The following TMEM108 variants were observed in gnomAD, a reference collection of about 807,000 sequenced individuals.
TMEM108 encodes the protein cancer/testis antigen 124.
Under a neutral mutation model 35.1 loss-of-function variants are expected in TMEM108, and 12 were observed. That is an observed-to-expected ratio of 0.34 (90% CI 0.22 to 0.55). The LOEUF (loss-of-function observed/expected upper bound fraction) is 0.55, where lower values mean the gene tolerates loss of function less well. Ranked by LOEUF, TMEM108 falls within the 20% of genes least tolerant of loss-of-function variation. The pLI, the probability that TMEM108 is intolerant of heterozygous loss-of-function variation, is 0.89. For synonymous variants in TMEM108, 287 were observed against 308.6 expected, an observed-to-expected ratio of 0.93 and a Z score of 0.73; for missense variants, 680 against 753.3, an observed-to-expected ratio of 0.90 and a Z score of 1.14.
At chr3:133,272,791 G>A (rs1243956067) in intron 3 of TMEM108, among the ~76,000 whole-genome samples, 1 of 152,194 alleles carries the variant, frequency 6.6e-6, no homozygotes, top group Non-Finnish European at 1.5e-5. Flanking sequence ...TTCTCAGCCA[G>A]GGGAGGTATT....
intron 3 of TMEM108, among the ~76,000 whole-genome samples, chr3:133,357,686 A>C (rs2072215748): frequency 6.6e-6 from 1 of 152,214 alleles, no homozygotes; most frequent in African/African-American, 2.4e-5. Flanking sequence ...ATGCAAAACC[A>C]AATACTGTAT....
intron 3 of TMEM108, chr3:133,247,239 T>G (rs79990543): frequency 6.6e-6 from 1 of 152,204 alleles, no homozygotes; most frequent in East Asian, 1.9e-4. Flanking sequence ...TTTTTTACTT[T>G]ATAACATGGT....
intron 3 of TMEM108, among the ~76,000 whole-genome samples, chr3:133,361,152 GCTGT>G (rs1372691122): frequency 6.6e-6 from 1 of 152,148 alleles, no homozygotes. Context: ...TCTGCTTATA[GCTGT>G]CTATCTAGAG....
intron 2 of TMEM108, among the ~76,000 whole-genome samples, chr3:133,071,859 A>C (rs145273340): frequency 6.6e-6 from 1 of 152,132 alleles, no homozygotes; most frequent in African/African-American, 2.4e-5. Context: ...CCATTTGTCT[A>C]CTTTTGCTTT....
intron 2 of TMEM108, among the ~76,000 whole-genome samples, chr3:133,216,653 T>A (rs963951677): frequency 2.6e-5 from 4 of 152,036 alleles, no homozygotes; most frequent in Non-Finnish European, 5.9e-5. Context: ...TTAGTTCAAC[T>A]TTTTTAGATT....
chr3:133,197,654 A>G (rs1183747812), intron 2 of TMEM108, among the ~76,000 whole-genome samples: 1 of 151,896 alleles, frequency 6.6e-6, no homozygotes, highest in Non-Finnish European at 1.5e-5. Flanking sequence ...TACAACAGAA[A>G]GTAGAAATGT....
intron 2 of TMEM108, among the ~76,000 whole-genome samples, chr3:133,188,307 G>C (rs1001153188): frequency 2.6e-5 from 4 of 152,236 alleles, no homozygotes; most frequent in African/African-American, 2.4e-5. Flanking sequence ...ATTTGAAAGA[G>C]ATTGGATATT....
intron 3 of TMEM108, among the ~76,000 whole-genome samples, chr3:133,377,904 G>C (rs1237095887): frequency 2.0e-5 from 3 of 152,198 alleles, no homozygotes; most frequent in Non-Finnish European, 4.4e-5. Flanking sequence ...ATTGTGAACT[G>C]CACATGCAAG....
chr3:133,366,413 A>G (rs2072501103), intron 3 of TMEM108, among the ~76,000 whole-genome samples: 1 of 152,232 alleles, frequency 6.6e-6, no homozygotes, highest in South Asian at 2.1e-4. Flanking sequence ...ACATGAACAA[A>G]TGGTGGAGTG....
intron 2 of TMEM108, among the ~76,000 whole-genome samples, chr3:133,210,806 C>T (rs1012584566): frequency 1.3e-5 from 2 of 152,138 alleles, no homozygotes; most frequent in Non-Finnish European, 2.9e-5. Flanking sequence ...AATATTGGCC[C>T]AACCTACTCT....
chr3:133,178,614 A>C (rs934118861), intron 2 of TMEM108, among the ~76,000 whole-genome samples: 4 of 152,252 alleles, frequency 2.6e-5, no homozygotes, highest in African/African-American at 9.6e-5. Context: ...ATATGTAGAA[A>C]GCTGAAACTG....
At chr3:133,264,342 G>C (rs909985105) in intron 3 of TMEM108, among the ~76,000 whole-genome samples, 14 of 152,108 alleles carry the variant, frequency 9.2e-5, no homozygotes, top group Admixed American at 4.6e-4. Flanking sequence ...TATCTATCAT[G>C]CTATTTTCCC....
chr3:133,262,155 A>G (rs1032152008), intron 3 of TMEM108, among the ~76,000 whole-genome samples: 1 of 152,194 alleles, frequency 6.6e-6, no homozygotes, highest in Non-Finnish European at 1.5e-5. Context: ...TTCTGCAGCT[A>G]TTACCTTTAT....
At chr3:133,177,696 A>G (rs183967544) in intron 2 of TMEM108, among the ~76,000 whole-genome samples, 1,555 of 152,314 alleles carry the variant, frequency 0.01, 26 homozygotes, top group African/African-American at 0.035. Context: ...ACAAACCCAC[A>G]GCCAATATCA....
At chr3:133,395,264 A>G (rs1000299951) in intron 5 of TMEM108, among the ~76,000 whole-genome samples, 1 of 152,218 alleles carries the variant, frequency 6.6e-6, no homozygotes, top group Non-Finnish European at 1.5e-5. Context: ...CACTAGTGCT[A>G]TAAGAAATGG....
chr3:133,066,775 C>T (rs370237245), intron 2 of TMEM108, among the ~76,000 whole-genome samples: 8 of 152,314 alleles, frequency 5.3e-5, no homozygotes, highest in African/African-American at 1.7e-4. Flanking sequence ...GCCTTTGAAG[C>T]CCCCAATGTG....
intron 3 of TMEM108, among the ~76,000 whole-genome samples, chr3:133,342,115 A>G (rs1433884067): frequency 6.6e-6 from 1 of 151,918 alleles, no homozygotes; most frequent in Admixed American, 6.6e-5. Flanking sequence ...ATGGGAGAAA[A>G]TATTTGCAGA....
At chr3:133,141,022 A>G (rs1489303138) in intron 2 of TMEM108, among the ~76,000 whole-genome samples, 1 of 152,230 alleles carries the variant, frequency 6.6e-6, no homozygotes, top group East Asian at 1.9e-4. Context: ...TCACTCCAAA[A>G]GGATCCGGCC....
At chr3:133,325,379 T>A (rs191194227) in intron 3 of TMEM108, among the ~76,000 whole-genome samples, 7 of 152,316 alleles carry the variant, frequency 4.6e-5, no homozygotes, top group Non-Finnish European at 1.0e-4. Flanking sequence ...CTACACTGCT[T>A]AGGTGATGAG....
Sources: gnomAD v4.1 joint callset for allele counts (sites outside exome capture counted in the v4.1 genomes callset) on GRCh38, gnomAD v4.1.1 for gene constraint, MANE v1.5 for transcripts, NCBI Gene and HGNC (gene_info 2026-07-23, HGNC 2026-07-21) for gene names.